Variants in AFF2 observed in about 807,000 individuals in gnomAD.
AFF2 encodes the protein AF4/FMR2 family member 2.
A neutral mutation model predicts 76.9 loss-of-function variants in AFF2; 14 were observed. The observed-to-expected ratio is 0.18, with a 90% CI of 0.12 to 0.28. The LOEUF is 0.28. Ranked by LOEUF, AFF2 falls within the 10% of genes least tolerant of loss-of-function variation. The probability of loss-of-function intolerance (pLI) is 1.00; values close to 1 mark genes in which losing one functional copy is unlikely to be tolerated. For synonymous variants in AFF2, 398 were observed against 366.7 expected (o/e 1.09, Z -0.98); for missense variants, 868 against 1,001.1 (o/e 0.87, Z 1.79).
intron 3 of AFF2, among the ~76,000 whole-genome samples, chrX:148,735,591 G>A (rs781925090): frequency 9.0e-6 from 1 of 111,423 alleles, no homozygotes; most frequent in Non-Finnish European, 1.9e-5. Context: ...ATAAGTTTCT[G>A]TTTCTTTTGA....
chrX:148,627,550 A>C (rs1557252279), intron 1 of AFF2, among the ~76,000 whole-genome samples: 1 of 112,113 alleles, frequency 8.9e-6, no homozygotes, highest in Non-Finnish European at 1.9e-5. Flanking sequence ...GAGACTTTAG[A>C]AATGCTTATA....
At chrX:148,927,513 AC>A (rs1441061054) in intron 9 of AFF2, among the ~76,000 whole-genome samples, 5 of 108,337 alleles carry the variant, frequency 4.6e-5, no homozygotes, top group Admixed American at 4.0e-4. Context: ...CTCACACTCT[AC>A]CCACCAGGGC....
intron 1 of AFF2, among the ~76,000 whole-genome samples, chrX:148,516,808 GC>G (rs1456628257): frequency 1.8e-5 from 2 of 111,500 alleles, no homozygotes; most frequent in African/African-American, 6.5e-5. Context: ...CTCAACGTTG[GC>G]CCCCTCTGAA....
chrX:148,736,695 A>G (rs1483920112), intron 3 of AFF2, among the ~76,000 whole-genome samples: 3 of 111,826 alleles, frequency 2.7e-5, no homozygotes, highest in Non-Finnish European at 3.8e-5. Flanking sequence ...TGCCTAAGCT[A>G]ATGTCTAGAA....
At chrX:148,813,014 C>T (rs1313639042) in intron 4 of AFF2, among the ~76,000 whole-genome samples, 1 of 112,367 alleles carries the variant, frequency 8.9e-6, no homozygotes, top group Non-Finnish European at 1.9e-5. Context: ...CAGATGCAAT[C>T]AGATTATAAC....
intron 3 of AFF2, among the ~76,000 whole-genome samples, chrX:148,763,911 C>A (rs1174446034): frequency 6.2e-5 from 7 of 112,009 alleles, no homozygotes; most frequent in Non-Finnish European, 1.1e-4. Context: ...ATAACGTTTT[C>A]CTGGAAGCTA....
chrX:148,759,352 A>C (rs1487936076), intron 3 of AFF2, among the ~76,000 whole-genome samples: 1 of 112,456 alleles, frequency 8.9e-6, no homozygotes, highest in Non-Finnish European at 1.9e-5. Flanking sequence ...TTTTTGTACT[A>C]GACTTAACTA....
chrX:148,540,121 C>A (rs1557237218), intron 1 of AFF2, among the ~76,000 whole-genome samples: 1 of 111,600 alleles, frequency 9.0e-6, no homozygotes. Context: ...TAGGGTTACT[C>A]AAGAGAATGG....
intron 3 of AFF2, among the ~76,000 whole-genome samples, chrX:148,760,416 A>C (rs894044439): frequency 8.9e-6 from 1 of 112,391 alleles, no homozygotes; most frequent in Non-Finnish European, 1.9e-5. Flanking sequence ...AAGAAATACT[A>C]CCTTTCTTTC....
At chrX:148,839,284 G>T (rs190813317) in intron 5 of AFF2, among the ~76,000 whole-genome samples, 5 of 111,989 alleles carry the variant, frequency 4.5e-5, no homozygotes, top group African/African-American at 1.6e-4. Context: ...AAAGCAAGAA[G>T]TCTACACACC....
At chrX:148,603,614 A>G (rs1016292910) in intron 1 of AFF2, among the ~76,000 whole-genome samples, 1 of 110,550 alleles carries the variant, frequency 9.0e-6, no homozygotes, top group Non-Finnish European at 1.9e-5. Context: ...CATTGAGCTG[A>G]TCATTCAGGA....
At chrX:148,583,281 A>G (rs2053433242) in intron 1 of AFF2, among the ~76,000 whole-genome samples, 2 of 112,293 alleles carry the variant, frequency 1.8e-5, no homozygotes, top group African/African-American at 3.2e-5. Context: ...AAGCCATTAC[A>G]AAAACTGAAG....
chrX:148,693,279 T>C (rs1427307862), intron 3 of AFF2, among the ~76,000 whole-genome samples: 1 of 111,420 alleles, frequency 9.0e-6, no homozygotes, highest in African/African-American at 3.3e-5. Flanking sequence ...CCCCAGGAAG[T>C]AGGCACAACT....
At chrX:148,763,491 A>G (rs1203594922) in intron 3 of AFF2, among the ~76,000 whole-genome samples, 1 of 110,096 alleles carries the variant, frequency 9.1e-6, no homozygotes, top group Non-Finnish European at 1.9e-5. Flanking sequence ...TTTAGAGAGA[A>G]GTAGGTGATA....
At chrX:148,631,207 A>G (rs1441509529) in intron 1 of AFF2, among the ~76,000 whole-genome samples, 2 of 112,071 alleles carry the variant, frequency 1.8e-5, no homozygotes, top group South Asian at 7.4e-4. Context: ...ACCAGAGAAG[A>G]TATAGCCCAA....
intron 3 of AFF2, among the ~76,000 whole-genome samples, chrX:148,758,552 A>T (rs782585913): frequency 4.2e-4 from 47 of 111,949 alleles, no homozygotes; most frequent in Non-Finnish European, 7.9e-4. Context: ...CTGGTTATTT[A>T]TCTCCCCAAA....
At chrX:148,983,965 A>AAAAAAAACAAAAAAAC (rs1438744109) in intron 19 of AFF2, among the ~76,000 whole-genome samples, 2 of 99,775 alleles carry the variant, frequency 2.0e-5, no homozygotes, top group African/African-American at 7.7e-5. Context: ...AAAAAAAAAA[A>AAAAAAAACAAAAAAAC]AAACTGCCCT....
At chrX:148,539,632 C>T (rs1013698970) in intron 1 of AFF2, among the ~76,000 whole-genome samples, 1 of 110,924 alleles carries the variant, frequency 9.0e-6, no homozygotes, top group Non-Finnish European at 1.9e-5. Context: ...CTTCCCTTTC[C>T]CCACCCAACA....
intron 3 of AFF2, among the ~76,000 whole-genome samples, chrX:148,746,189 C>G (rs990626926): frequency 8.9e-6 from 1 of 112,188 alleles, no homozygotes. Context: ...TATAGGCAGA[C>G]AAATAGCAAT....
Sources: gnomAD v4.1 joint callset for allele counts (sites outside exome capture counted in the v4.1 genomes callset) on GRCh38, gnomAD v4.1.1 for gene constraint, MANE v1.5 for transcripts, NCBI Gene and HGNC (gene_info 2026-07-23, HGNC 2026-07-21) for gene names.